DOCK1: variants seen among roughly 807,000 people sequenced by gnomAD.
DOCK1 encodes dedicator of cytokinesis protein 1.
A neutral mutation model predicts 262.7 loss-of-function variants in DOCK1; 138 were observed. The ratio of observed to expected loss-of-function variants is 0.53; its 90% CI spans 0.46 to 0.61. The LOEUF (loss-of-function observed/expected upper bound fraction) is 0.61, where lower values mean the gene tolerates loss of function less well. DOCK1 is among the 20% of genes least tolerant of loss of function. DOCK1 has a pLI of 0.00. For synonymous variants in DOCK1, 866 were observed against 867.4 expected (o/e 1.00, Z 0.03); for missense variants, 1,908 against 2,370.7 (o/e 0.80, Z 4.05).
In DOCK1 at chr10:127,148,945, C is replaced by T. The variant is rs548969804; in HGVS notation, c.2847+21181C>T. Among the ~76,000 whole-genome samples, 9 of 152,242 alleles carry T rather than the reference C, an allele frequency of 5.9e-5. No homozygotes were observed. The East Asian group carries it at 1.7e-3, about 29-fold the overall frequency. ...AAAGATGTAGCTGTGTCAACCATCT[C>T]AAAATTTGTCAGAAAGATCACGTTT... On this transcript the variant is annotated intron_variant, in intron 27 of 51. Transcript: ENST00000623213.
intron 1 of DOCK1, among the ~76,000 whole-genome samples, chr10:126,915,505 G>A (rs1178124720): frequency 6.6e-6 from 1 of 152,080 alleles, no homozygotes; most frequent in Non-Finnish European, 1.5e-5. Flanking sequence ...TGCAACCTCC[G>A]CCTCCTGGAT....
intron 1 of DOCK1, among the ~76,000 whole-genome samples, 158 bp downstream of exon 1, chr10:126,905,721 C>G (rs2030620931): frequency 6.7e-6 from 1 of 148,472 alleles, no homozygotes; most frequent in African/African-American, 2.4e-5. Context: ...CAATGCCCGG[C>G]GACCCCGGCC....
At chr10:127,433,152 T>G in intron 47 of DOCK1, 131 bp from the exon 48 acceptor site, 1 of 1,274,096 alleles carries the variant, frequency 7.8e-7, no homozygotes, top group Non-Finnish European at 1.1e-6. Flanking sequence ...AACAAGAACA[T>G]GTACTGTTTA....
chr10:126,936,211 C>T (rs920745095), intron 1 of DOCK1, among the ~76,000 whole-genome samples: 2 of 152,204 alleles, frequency 1.3e-5, no homozygotes, highest in African/African-American at 4.8e-5. Context: ...AAATTCTTGG[C>T]CTCAGCTCAG....
At chr10:127,076,342 AT>A (rs2046547574) in intron 23 of DOCK1, among the ~76,000 whole-genome samples, 1 of 152,174 alleles carries the variant, frequency 6.6e-6, no homozygotes. Context: ...TCTACTAAAA[AT>A]ACAAAAAATT....
chr10:127,292,947 C>T (rs1040876912), intron 29 of DOCK1, among the ~76,000 whole-genome samples: 1 of 152,070 alleles, frequency 6.6e-6, no homozygotes, highest in African/African-American at 2.4e-5. Flanking sequence ...GTGGGAAGTC[C>T]CCACTTGACA....
chr10:127,415,097 G>T, intron 43 of DOCK1, 55 bp from the exon 44 acceptor site: 1 of 1,540,340 alleles, frequency 6.5e-7, no homozygotes, highest in Non-Finnish European at 8.9e-7. Context: ...GGGCAGAGCT[G>T]TCCACCTGCT....
chr10:127,127,425 A>T lies in DOCK1; in HGVS notation c.2752-244A>T, dbSNP rs568756519. 1.8e-3 allele frequency among the ~76,000 whole-genome samples: 271 copies of T among 152,318 alleles called. 1 individual carries two copies. Among genetic ancestry groups the T allele is most frequent in the African/African-American group, 6.1e-3 (253 of 41,572 alleles). ...TTAAACAGATTTTCTTTTATTTTTA[A>T]GGTTTGCTTAAATTAAATTACTATG... On this transcript the variant is annotated intron_variant, in intron 26 of 51. Coordinates refer to ENST00000623213, the MANE Select transcript of DOCK1 (RefSeq NM_001290223.2).
rs563682137 is a variant in DOCK1 at position 127,306,046 on chromosome 10, G to A, written c.3045-32960G>A. Among the ~76,000 whole-genome samples, 101 of 138,928 alleles carry A rather than the reference G, an allele frequency of 7.3e-4. 1 individual carries two copies. The South Asian group carries it at 0.022, about 30-fold the overall frequency. The allele number at this position is 138,928 out of a possible 152,430, so 91.1% of individuals were successfully genotyped here. On this transcript the variant is annotated intron_variant, in intron 29 of 51. Transcript: ENST00000623213. ...TTTTTTTTTTTTGAGACGGAGTCTC[G>A]CTCTGTCACCCAAGCTGCAGTGCAG...
intron 23 of DOCK1, among the ~76,000 whole-genome samples, chr10:127,093,831 A>G (rs1479052426): frequency 6.6e-6 from 1 of 152,160 alleles, no homozygotes; most frequent in Non-Finnish European, 1.5e-5. Flanking sequence ...AAAATACCTG[A>G]GTAATTTATA....
intron 51 of DOCK1, 21 bp from the exon 52 acceptor site, chr10:127,451,311 C>A: frequency 6.4e-7 from 1 of 1,573,426 alleles, no homozygotes; most frequent in Non-Finnish European, 8.6e-7. Context: ...GTGACATCTT[C>A]CCCATCCTCA....
intron 1 of DOCK1, among the ~76,000 whole-genome samples, chr10:126,966,823 A>T (rs1229767301): frequency 6.6e-6 from 1 of 152,240 alleles, no homozygotes; most frequent in Non-Finnish European, 1.5e-5. Context: ...CCAAAACATC[A>T]TCCAAGCAAA....
chr10:127,289,568 A>G (rs549457559), intron 29 of DOCK1, among the ~76,000 whole-genome samples: 1 of 152,188 alleles, frequency 6.6e-6, no homozygotes, highest in Admixed American at 6.5e-5. Flanking sequence ...GAATTGTAAC[A>G]TCTCACCAGA....
intron 27 of DOCK1, among the ~76,000 whole-genome samples, chr10:127,200,921 G>A (rs1423434600): frequency 3.3e-5 from 5 of 152,132 alleles, no homozygotes; most frequent in African/African-American, 1.2e-4. Context: ...GCTGTGGTTC[G>A]GATGCCTCTG....
intron 29 of DOCK1, among the ~76,000 whole-genome samples, chr10:127,313,734 T>C (rs1417086490): frequency 6.6e-6 from 1 of 152,098 alleles, no homozygotes; most frequent in East Asian, 1.9e-4. Flanking sequence ...GGTTTCCCTT[T>C]GGAGGTGCTT....
At chr10:127,443,980 G>C in intron 49 of DOCK1, 146 bp from the exon 50 acceptor site, 1 of 1,107,742 alleles carries the variant, frequency 9.0e-7, no homozygotes, top group Non-Finnish European at 1.3e-6. Context: ...CCACACCTTA[G>C]CTTGATCATT....
intron 1 of DOCK1, among the ~76,000 whole-genome samples, chr10:126,905,933 G>C (rs574600899): frequency 8.5e-5 from 13 of 152,118 alleles, no homozygotes; most frequent in African/African-American, 2.9e-4. Flanking sequence ...GGCTGGGCCC[G>C]TCAGGGAAGC....
At chr10:127,356,453 G>T (rs111499985) in intron 32 of DOCK1, among the ~76,000 whole-genome samples, 2,295 of 152,238 alleles carry the variant, frequency 0.015, 21 homozygotes, top group Middle Eastern at 0.048. Flanking sequence ...ACGTGCTAAG[G>T]CTTTTAGAAC....
intron 31 of DOCK1, among the ~76,000 whole-genome samples, chr10:127,353,837 AT>A (rs991381808): frequency 1.6e-4 from 25 of 152,076 alleles, no homozygotes; most frequent in African/African-American, 6.0e-4. Flanking sequence ...GCGGTTGTTG[AT>A]TTACCGGCCA....
Sources: allele counts gnomAD v4.1 joint callset (sites outside exome capture counted in the v4.1 genomes callset), GRCh38; gene constraint gnomAD v4.1.1; transcripts MANE v1.5; gene names NCBI Gene and HGNC (gene_info 2026-07-23, HGNC 2026-07-21).